MRPS35: variants seen among roughly 807,000 people sequenced by gnomAD.
MRPS35 encodes the protein mitochondrial ribosomal protein S35.
In MRPS35, 29 loss-of-function variants were observed where a neutral mutation model predicts 32.7. That is an observed-to-expected ratio of 0.89 (90% CI 0.66 to 1.21). The LOEUF is 1.21. Ranked by LOEUF, MRPS35 falls within the 50% of genes most tolerant of loss-of-function variation. The pLI, the probability that MRPS35 is intolerant of heterozygous loss-of-function variation, is 0.00. For missense variants in MRPS35, 373 were observed against 383.8 expected (o/e 0.97, Z 0.23); for synonymous variants, 148 against 139.3 (o/e 1.06, Z -0.44).
At chr12:27,741,425 T>C (rs905300388) in intron 7 of MRPS35, among the ~76,000 whole-genome samples, 5 of 152,132 alleles carry the variant, frequency 3.3e-5, no homozygotes, top group African/African-American at 4.8e-5. Context: ...TGGCAAATAG[T>C]GGGCTCTCCA....
intron 7 of MRPS35, among the ~76,000 whole-genome samples, chr12:27,740,919 C>T (rs1174323109): frequency 6.6e-6 from 1 of 152,142 alleles, no homozygotes; most frequent in African/African-American, 2.4e-5. Context: ...AGGCTGGGAG[C>T]ACTTTGGGAG....
chr12:27,735,959 G>C (rs1319471913), intron 6 of MRPS35, among the ~76,000 whole-genome samples: 4 of 152,038 alleles, frequency 2.6e-5, no homozygotes, highest in African/African-American at 7.2e-5. Context: ...ATTGATGAAG[G>C]CACATTCGTA....
intron 2 of MRPS35, among the ~76,000 whole-genome samples, chr12:27,715,158 T>C (rs2061844574): frequency 6.6e-6 from 1 of 152,092 alleles, no homozygotes; most frequent in African/African-American, 2.4e-5. Context: ...TTATTTGAGA[T>C]AGAGTTTCCC....
chr12:27,741,492 T>C (rs1020657038), intron 7 of MRPS35, among the ~76,000 whole-genome samples: 2 of 152,184 alleles, frequency 1.3e-5, no homozygotes, highest in South Asian at 4.1e-4. Flanking sequence ...AAGATTTTTT[T>C]CTTAGAATTT....
chr12:27,751,559 C>G (rs530350681), intron 7 of MRPS35, among the ~76,000 whole-genome samples: 3 of 152,298 alleles, frequency 2.0e-5, no homozygotes, highest in Non-Finnish European at 2.9e-5. Context: ...CCCGCGACCC[C>G]CATGCCTGCG....
intron 1 of MRPS35, 100 bp downstream of exon 1, chr12:27,711,055 G>T (rs1411082036): frequency 2.7e-6 from 3 of 1,096,634 alleles, no homozygotes; most frequent in African/African-American, 1.6e-5. Flanking sequence ...GCGCCGCCCG[G>T]GGGAGGCCAG....
At chr12:27,724,283 A>C in intron 5 of MRPS35, 97 bp downstream of exon 5, 2 of 1,170,398 alleles carry the variant, frequency 1.7e-6, no homozygotes, top group Non-Finnish European at 2.2e-6. Context: ...TCATGCCTGT[A>C]ATCCCAGCAC....
intron 7 of MRPS35, among the ~76,000 whole-genome samples, chr12:27,738,359 A>G (rs2061950545): frequency 6.6e-6 from 1 of 152,156 alleles, no homozygotes; most frequent in South Asian, 2.1e-4. Context: ...TTTGTGTGTC[A>G]TATCAGTGTT....
At chr12:27,719,928 T>G in intron 4 of MRPS35, 60 bp downstream of exon 4, 1 of 1,202,948 alleles carries the variant, frequency 8.3e-7, no homozygotes, top group Non-Finnish European at 1.2e-6. Context: ...TTTAAGAATC[T>G]CTGTTCTGAT....
chr12:27,749,402 AAG>A (rs1480868044), intron 7 of MRPS35, among the ~76,000 whole-genome samples: 2 of 152,222 alleles, frequency 1.3e-5, no homozygotes, highest in Non-Finnish European at 2.9e-5. Context: ...ACATCTTGGA[AAG>A]ATACTGCTTA....
chr12:27,735,445 A>G lies in MRPS35; in HGVS notation c.523-2A>G. ...TTTCAAATAACTTTTCTTATTTTTA[A>G]GGTAAAGCTTTCCAGTTTGAATTTA... On this transcript the variant is annotated splice_acceptor_variant, in intron 5 of 7. Coordinates refer to ENST00000081029, the MANE Select transcript of MRPS35 (RefSeq NM_021821.4). LOFTEE classifies it high-confidence loss of function. 1.9e-6 allele frequency: 3 copies of G among 1,583,940 alleles called. No homozygotes were observed. Among genetic ancestry groups the G allele is most frequent in the Non-Finnish European group, 2.6e-6 (3 of 1,165,898 alleles).
chr12:27,739,207 G>A (rs2061954301), intron 7 of MRPS35, among the ~76,000 whole-genome samples: 1 of 152,130 alleles, frequency 6.6e-6, no homozygotes, highest in South Asian at 2.1e-4. Flanking sequence ...CCTCCCAAGG[G>A]GAACTTTGTG....
intron 5 of MRPS35, among the ~76,000 whole-genome samples, chr12:27,725,214 C>G (rs781034532): frequency 1.3e-5 from 2 of 152,158 alleles, no homozygotes; most frequent in Non-Finnish European, 2.9e-5. Flanking sequence ...TGCACCCAAT[C>G]TAATTTAATT....
chr12:27,730,328 G>A (rs1435802469), intron 5 of MRPS35, among the ~76,000 whole-genome samples: 1 of 152,120 alleles, frequency 6.6e-6, no homozygotes, highest in Non-Finnish European at 1.5e-5. Flanking sequence ...GTTTTGAGAA[G>A]TACTAGTTGT....
intron 7 of MRPS35, among the ~76,000 whole-genome samples, chr12:27,744,563 A>G (rs2061975592): frequency 6.6e-6 from 1 of 152,256 alleles, no homozygotes; most frequent in African/African-American, 2.4e-5. Flanking sequence ...CAATGTTAAT[A>G]GAATCTATAT....
At chr12:27,719,135 A>C (rs2061862769) in intron 3 of MRPS35, among the ~76,000 whole-genome samples, 1 of 152,170 alleles carries the variant, frequency 6.6e-6, no homozygotes, top group African/African-American at 2.4e-5. Context: ...AAGTCCTTTC[A>C]GTTTTATAAA....
At chr12:27,729,802 T>C (rs2061914393) in intron 5 of MRPS35, among the ~76,000 whole-genome samples, 1 of 152,112 alleles carries the variant, frequency 6.6e-6, no homozygotes, top group Non-Finnish European at 1.5e-5. Flanking sequence ...AAACATGAGA[T>C]CCCTACTGTT....
intron 5 of MRPS35, among the ~76,000 whole-genome samples, chr12:27,729,023 T>C (rs2061911156): frequency 6.6e-6 from 1 of 152,170 alleles, no homozygotes; most frequent in Admixed American, 6.5e-5. Context: ...TAATCATTCC[T>C]TTGTGAAGAT....
rs1217045440 is a variant in MRPS35, at chr12:27,719,838, G to C, written c.352G>C (p.Ala118Pro). 6.2e-7 allele frequency: 1 copy of C among 1,607,922 alleles called. No homozygotes were observed. Among genetic ancestry groups the C allele is most frequent in the South Asian group, 1.1e-5 (1 of 90,690 alleles). The part of the protein sequence containing the change: ...IPNFLHLTPV[A>P]IKKHCEALKD... ...CAATTTTCTGCATTTGACTCCTGTA[G>C]CAATTAAAAAGCACTGTGAAGCCCT... Residue 118 changes from alanine to proline, a missense_variant, in exon 4 of 8, where the codon GCA becomes CCA. By Grantham distance (27) the Ala-to-Pro change is conservative. Transcript: ENST00000081029.
Sources: gnomAD v4.1 joint callset for allele counts (sites outside exome capture counted in the v4.1 genomes callset) on GRCh38, gnomAD v4.1.1 for gene constraint, MANE v1.5 for transcripts, NCBI Gene and HGNC (gene_info 2026-07-23, HGNC 2026-07-21) for gene names.